The following CTBP2 variants were observed in gnomAD, a reference collection of about 807,000 sequenced individuals.
CTBP2 encodes the protein C-terminal binding protein 2.
In CTBP2, 30 loss-of-function variants were observed where a neutral mutation model predicts 80.3. The ratio of observed to expected loss-of-function variants is 0.37; its 90% confidence interval spans 0.28 to 0.51. The LOEUF (loss-of-function observed/expected upper bound fraction) is 0.51. Ranked by LOEUF, CTBP2 falls within the 20% of genes least tolerant of loss-of-function variation. The probability of loss-of-function intolerance (pLI) is 0.93; values close to 1 mark genes in which losing one functional copy is unlikely to be tolerated. For synonymous variants in CTBP2, 594 were observed against 587.4 expected (o/e 1.01, Z -0.16); for missense variants, 1,212 against 1,375.3 (o/e 0.88, Z 1.88).
At chr10:125,081,721 G>A (rs1847199398) in intron 2 of CTBP2, among the ~76,000 whole-genome samples, 1 of 151,954 alleles carries the variant, frequency 6.6e-6, no homozygotes, top group Admixed American at 6.5e-5. Context: ...TCAAGTTTTA[G>A]AATCAAGATT....
chr10:125,133,305 A>G (rs1316088421), intron 1 of CTBP2, among the ~76,000 whole-genome samples: 2 of 152,150 alleles, frequency 1.3e-5, no homozygotes, highest in African/African-American at 4.8e-5. Flanking sequence ...TAGAGATGGG[A>G]GAGGACAGGT....
chr10:125,116,668 G>C (rs779253051), intron 1 of CTBP2, among the ~76,000 whole-genome samples: 2 of 152,118 alleles, frequency 1.3e-5, no homozygotes, highest in Non-Finnish European at 2.9e-5. Flanking sequence ...GCACTGCCTC[G>C]GGGTATCAGT....
Position 125,098,750 on chromosome 10 carries a change from CAGAGAG to C in CTBP2, c.-102+12234_-102+12239del, listed in dbSNP as rs1265217140. 3.8e-4 allele frequency among the ~76,000 whole-genome samples: 29 copies of C among 75,512 alleles called. 1 individual carries two copies. The highest frequency in any genetic ancestry group is 5.3e-4 in the African/African-American group (8 of 15,020). 49.5% of individuals were successfully genotyped at this position (75,512 alleles called of 152,430 possible). A position where few individuals can be genotyped will look rare whatever the true frequency, so the allele number is the denominator to read the frequency against. ...AGAGAGAGAGAGAGAGAGAGAGAGA[CAGAGAG>C]AGAGAGAGAGAGAGAGAGAGAGACA... On this transcript the variant is annotated intron_variant, in intron 2 of 10. Transcript: ENST00000337195.
chr10:125,157,714 G>A (rs1861178565), intron 1 of CTBP2, among the ~76,000 whole-genome samples: 1 of 152,144 alleles, frequency 6.6e-6, no homozygotes, highest in African/African-American at 2.4e-5. Flanking sequence ...TCCTTTGTTT[G>A]CTCATGTTAT....
At chr10:125,106,740 A>G (rs994105122) in intron 2 of CTBP2, among the ~76,000 whole-genome samples, 1 of 152,236 alleles carries the variant, frequency 6.6e-6, no homozygotes, top group Admixed American at 6.5e-5. Context: ...GTGTTGACAC[A>G]TGGGTCACAG....
chr10:125,080,984 A>G (rs1008103200), intron 2 of CTBP2, among the ~76,000 whole-genome samples: 1 of 152,010 alleles, frequency 6.6e-6, no homozygotes, highest in African/African-American at 2.4e-5. Flanking sequence ...TTGAGATAAT[A>G]GCTTTACAGT....
At chr10:125,138,527 T>C (rs1857303069) in intron 1 of CTBP2, among the ~76,000 whole-genome samples, 1 of 151,912 alleles carries the variant, frequency 6.6e-6, no homozygotes, top group South Asian at 2.1e-4. Context: ...GTGCTAAAAA[T>C]AAGATTAACT....
At chr10:125,096,372 T>C (rs1417774984) in intron 2 of CTBP2, among the ~76,000 whole-genome samples, 1 of 152,170 alleles carries the variant, frequency 6.6e-6, no homozygotes, top group African/African-American at 2.4e-5. Flanking sequence ...AAAACAAAGA[T>C]GCAAAATAAC....
intron 1 of CTBP2, among the ~76,000 whole-genome samples, chr10:125,152,906 C>CT (rs35600742): frequency 0.16 from 24,412 of 152,188 alleles, 2,287 homozygotes; most frequent in South Asian, 0.21. Flanking sequence ...AGGGAAAAAA[C>CT]TTTAAGATTA....
intron 2 of CTBP2, among the ~76,000 whole-genome samples, chr10:125,073,603 T>C (rs533401344): frequency 6.6e-6 from 1 of 152,232 alleles, no homozygotes; most frequent in Non-Finnish European, 1.5e-5. Flanking sequence ...GTTAATAAAA[T>C]TGGAAACCGA....
At chr10:125,120,736 G>A (rs1854180229) in intron 1 of CTBP2, among the ~76,000 whole-genome samples, 1 of 152,186 alleles carries the variant, frequency 6.6e-6, no homozygotes, top group South Asian at 2.1e-4. Flanking sequence ...GGAGTGCAGT[G>A]GCATGATCAT....
intron 1 of CTBP2, among the ~76,000 whole-genome samples, chr10:125,125,667 GAC>G (rs1855114361): frequency 6.6e-6 from 1 of 152,208 alleles, no homozygotes; most frequent in South Asian, 2.1e-4. Context: ...GAGTGAATGG[GAC>G]ACTCAGTGTC....
chr10:125,101,530 A>G lies in CTBP2; in HGVS notation c.-102+9460T>C, dbSNP rs1261179640. On this transcript the variant is annotated intron_variant, in intron 2 of 10. Coordinates refer to the CTBP2 transcript ENST00000337195. The stretch of plus-strand genomic sequence containing the variant: ...ATGCGTGACATTTGGGAAAGGCTTC[A>G]TGGAAACCCCAAACCTTTCACTGCT... 2.0e-5 allele frequency among the ~76,000 whole-genome samples: 3 copies of G among 152,220 alleles called. No individual in the cohort carries two copies. In the East Asian group the frequency reaches 5.8e-4, roughly 29 times the overall value.
At chr10:125,006,453 A>G (rs905262880) in intron 1 of CTBP2, among the ~76,000 whole-genome samples, 2 of 152,194 alleles carry the variant, frequency 1.3e-5, no homozygotes, top group Admixed American at 1.3e-4. Context: ...CCATCTTCCA[A>G]GTGCTCCTTC....
At chr10:125,010,935 C>G (rs559980609) in intron 1 of CTBP2, among the ~76,000 whole-genome samples, 1 of 152,356 alleles carries the variant, frequency 6.6e-6, no homozygotes, top group African/African-American at 2.4e-5. Context: ...AGCCAGCCCA[C>G]TCCTCACACT....
chr10:125,112,107 C>CT (rs59148637), intron 1 of CTBP2, among the ~76,000 whole-genome samples: 6,771 of 123,658 alleles, frequency 0.055, 330 homozygotes, highest in East Asian at 0.21. Context: ...CTGCATTTGA[C>CT]TTTTTTTTTT....
chr10:125,005,699 T>C, intron 1 of CTBP2: 1 of 1,612,820 alleles, frequency 6.2e-7, no homozygotes, highest in Middle Eastern at 1.6e-4. Context: ...GCTAAGAAAA[T>C]GGTACAACTG....
intron 2 of CTBP2, among the ~76,000 whole-genome samples, chr10:125,060,103 CTT>C (rs1040734055): frequency 2.0e-5 from 3 of 152,170 alleles, no homozygotes; most frequent in Non-Finnish European, 2.9e-5. Context: ...CCCAGTCACT[CTT>C]TTGAAGAGTG....
intron 1 of CTBP2, among the ~76,000 whole-genome samples, chr10:125,145,848 G>C (rs938858539): frequency 1.3e-5 from 2 of 152,142 alleles, no homozygotes; most frequent in Non-Finnish European, 2.9e-5. Flanking sequence ...GGCCAGCTGA[G>C]ATGCCCTTGC....
Sources: gnomAD v4.1 joint callset for allele counts (sites outside exome capture counted in the v4.1 genomes callset) on GRCh38, gnomAD v4.1.1 for gene constraint, MANE v1.5 for transcripts, NCBI Gene and HGNC (gene_info 2026-07-23, HGNC 2026-07-21) for gene names.